Variants in MGAT4D observed in about 807,000 individuals in gnomAD.
MGAT4D encodes alpha-1,3-mannosyl-glycoprotein 4-beta-N-acetylglucosaminyltransferase-like protein MGAT4D.
In MGAT4D, 34 loss-of-function variants were observed where a neutral mutation model predicts 15.9. The observed-to-expected ratio is 2.14, with a 90% confidence interval of 1.62 to 2.84. MGAT4D has a LOEUF of 2.84. Among genes scored for constraint, MGAT4D ranks in the 30% most tolerant of loss-of-function variants. MGAT4D has a pLI of 0.00. For synonymous variants in MGAT4D, 112 were observed against 48.2 expected (o/e 2.33, Z -5.49); for missense variants, 327 against 140.2 (o/e 2.33, Z -6.73).
Position 140,479,493 on chromosome 4 carries a change from C to A in MGAT4D, c.388G>T (p.Gly130Cys). 1 of 483,248 alleles carries A rather than the reference C, an allele frequency of 2.1e-6. No individual in the cohort carries two copies. Among genetic ancestry groups the A allele is most frequent in the Non-Finnish European group, 3.7e-6 (1 of 273,316 alleles). The allele number at this position is 483,248 out of a possible 1,614,324, so 29.9% of individuals were successfully genotyped here. The change falls in exon 3 of 11, where the codon GGT becomes TGT. Residue 130 changes from glycine to cysteine, a missense_variant. Gly to Cys is a radical substitution (Grantham distance 159, BLOSUM62 -3). Coordinates refer to ENST00000511113, the MANE Select transcript of MGAT4D (RefSeq NM_001277353.2). ...TTCCAATTCTAAGTTTTCTTACCAC[C>A]AGTTTTCCCTTTGCCAATGATTACA... The part of the protein sequence containing the change: ...PDVIIGKGKT[G>C]VSFALGISTV...
intron 6 of MGAT4D, among the ~76,000 whole-genome samples, chr4:140,462,830 G>C (rs776612432): frequency 6.6e-5 from 10 of 152,188 alleles, no homozygotes; most frequent in African/African-American, 2.4e-4. Flanking sequence ...ATAGGAGACA[G>C]GACTAATGCG....
chr4:140,459,576 ATC>A lies in MGAT4D; in HGVS notation c.811_812del (p.Asp271PhefsTer4), dbSNP rs1731028559. On this transcript the variant is annotated frameshift_variant, in exon 8 of 11. Coordinates refer to ENST00000511113, the MANE Select transcript of MGAT4D (RefSeq NM_001277353.2). LOFTEE classifies it high-confidence loss of function. Reference protein sequence around the residue: ...AKEMYFTKITDFVGNISSNNW... With the variant: ...AKEMYFTKITXFVGNISSNNW... ...TATTTGAACTGATATTACCTACAAA[ATC>A]TGTTATTTTTGTAAAGTACATCTCT... The A allele has an allele frequency of 1.9e-6, 1 of 538,266 alleles. No homozygotes were observed. Among genetic ancestry groups the A allele is most frequent in the Non-Finnish European group, 3.3e-6 (1 of 304,388 alleles). 33.3% of individuals were successfully genotyped at this position (538,266 alleles called of 1,614,324 possible). A position where few individuals can be genotyped will look rare whatever the true frequency, so the allele number is the denominator to read the frequency against.
chr4:140,450,258 T>C, intron 10 of MGAT4D: 1 of 233,252 alleles, frequency 4.3e-6, no homozygotes, highest in Non-Finnish European at 8.1e-6. Context: ...TGAATGTTTA[T>C]GTCTACATTT....
At chr4:140,495,516 A>T (rs145894837) in intron 1 of MGAT4D, among the ~76,000 whole-genome samples, 1 of 152,136 alleles carries the variant, frequency 6.6e-6, no homozygotes, top group Non-Finnish European at 1.5e-5. Flanking sequence ...TCATTTATTC[A>T]TCCAATATTT....
chr4:140,475,174 C>T (rs986190503), intron 3 of MGAT4D, among the ~76,000 whole-genome samples: 1 of 152,008 alleles, frequency 6.6e-6, no homozygotes, highest in Non-Finnish European at 1.5e-5. Context: ...AAACAGACTC[C>T]AAGATGTTCT....
chr4:140,486,871 A>AG (rs1439321014), intron 1 of MGAT4D, among the ~76,000 whole-genome samples: 1 of 152,174 alleles, frequency 6.6e-6, no homozygotes, highest in Non-Finnish European at 1.5e-5. Context: ...TACAAACCTT[A>AG]GAGGGAGATG....
chr4:140,484,928 T>C (rs1393490479), intron 1 of MGAT4D, among the ~76,000 whole-genome samples: 1 of 152,116 alleles, frequency 6.6e-6, no homozygotes, highest in African/African-American at 2.4e-5. Flanking sequence ...TGTGGAGAAA[T>C]AGGAACACTT....
intron 4 of MGAT4D, among the ~76,000 whole-genome samples, chr4:140,474,609 T>C (rs1329089940): frequency 6.6e-6 from 1 of 152,234 alleles, no homozygotes; most frequent in Non-Finnish European, 1.5e-5. Context: ...TGTTGTCCTT[T>C]TAGATTTACA....
At position 140,451,343 on chromosome 4, in the gene MGAT4D, T is replaced by C. The variant is rs530718368; in HGVS notation, c.1116+67A>G. 4.6e-3 allele frequency: 2,166 copies of C among 476,000 alleles called. 16 individuals are homozygous for C. Among genetic ancestry groups the C allele is most frequent in the Non-Finnish European group, 6.6e-3 (1,751 of 266,532 alleles). 29.5% of individuals were successfully genotyped at this position (476,000 alleles called of 1,614,324 possible). On this transcript the variant is annotated intron_variant, in intron 10 of 10. Coordinates refer to ENST00000511113, the MANE Select transcript of MGAT4D (RefSeq NM_001277353.2). ...ATAGTGTCTTATGTCACCACTTCTT[T>C]TCTAAATAGTATTTTATAAGTTTAT...
chr4:140,453,898 T>C (rs1730628053), intron 9 of MGAT4D, among the ~76,000 whole-genome samples: 1 of 152,184 alleles, frequency 6.6e-6, no homozygotes, highest in Non-Finnish European at 1.5e-5. Context: ...AATGGACTAA[T>C]ACATTTGGTT....
At chr4:140,458,133 G>A (rs943156766) in intron 8 of MGAT4D, 2 of 152,100 alleles carry the variant, frequency 1.3e-5, no homozygotes, top group African/African-American at 2.4e-5. Context: ...AGTACTTAGA[G>A]CTATGTGAAT....
At chr4:140,448,177 T>C (rs1730253997) in intron 10 of MGAT4D, among the ~76,000 whole-genome samples, 1 of 152,198 alleles carries the variant, frequency 6.6e-6, no homozygotes, top group African/African-American at 2.4e-5. Context: ...CGGATAATTA[T>C]GTGTCCTGTG....
chr4:140,460,199 T>C (rs868377776), intron 7 of MGAT4D, among the ~76,000 whole-genome samples: 2 of 152,230 alleles, frequency 1.3e-5, no homozygotes, highest in Non-Finnish European at 2.9e-5. Flanking sequence ...TCACAAATAC[T>C]TCAGTTTCTA....
At chr4:140,482,610 A>T in intron 1 of MGAT4D, 125 bp from the exon 2 acceptor site, 2 of 442,460 alleles carry the variant, frequency 4.5e-6, no homozygotes, top group South Asian at 8.3e-5. Flanking sequence ...TATGTATTAT[A>T]TGTGTATATA....
chr4:140,456,818 C>A, intron 8 of MGAT4D, 99 bp from the exon 9 acceptor site: 1 of 514,936 alleles, frequency 1.9e-6, no homozygotes. Context: ...TAAATATGTC[C>A]CATTCCTTAG....
Position 140,461,926 on chromosome 4 carries a change from G to A in MGAT4D, c.762+3C>T, listed in dbSNP as rs1336159758. On this transcript the variant is annotated splice_donor_region_variant and intron_variant, in intron 7 of 10. Transcript: ENST00000511113. ...ACACACACACACACACACAATTTCT[G>A]ACCTGTAAATAATACTTGGCCTTGG... The A allele has an allele frequency of 1.5e-6, 1 of 689,406 alleles. No homozygotes were observed. The highest frequency in any genetic ancestry group is 2.6e-6 in the Non-Finnish European group (1 of 379,330). The allele number at this position is 689,406 out of a possible 1,614,324, so 42.7% of individuals were successfully genotyped here.
intron 1 of MGAT4D, among the ~76,000 whole-genome samples, chr4:140,495,164 CGCAGG>C (rs1181923393): frequency 6.6e-6 from 1 of 152,142 alleles, no homozygotes; most frequent in Non-Finnish European, 1.5e-5. Context: ...GAGATTCCAC[CGCAGG>C]GCCTTTGTAC....
At chr4:140,454,125 T>G (rs563414680) in intron 9 of MGAT4D, among the ~76,000 whole-genome samples, 4 of 152,116 alleles carry the variant, frequency 2.6e-5, no homozygotes, top group Admixed American at 2.0e-4. Flanking sequence ...TTGCACTGGT[T>G]TGAACTTCCA....
At chr4:140,477,550 T>C (rs1207648282) in intron 3 of MGAT4D, among the ~76,000 whole-genome samples, 4 of 152,236 alleles carry the variant, frequency 2.6e-5, no homozygotes, top group Non-Finnish European at 5.9e-5. Flanking sequence ...TTATAGGCAG[T>C]GGTTAGCACA....
Sources: gnomAD v4.1 joint callset for allele counts (sites outside exome capture counted in the v4.1 genomes callset) on GRCh38, gnomAD v4.1.1 for gene constraint, MANE v1.5 for transcripts, NCBI Gene and HGNC (gene_info 2026-07-23, HGNC 2026-07-21) for gene names.